COIL: variants seen among roughly 807,000 people sequenced by gnomAD.
COIL encodes coilin p80.
Under a neutral mutation model 51.6 loss-of-function variants are expected in COIL, and 28 were observed. The observed-to-expected ratio is 0.54, with a 90% confidence interval of 0.40 to 0.74. The LOEUF is 0.74. Among genes scored for constraint, COIL ranks in the 30% least tolerant of loss-of-function variants. COIL has a pLI of 0.00. For missense variants in COIL, 667 were observed against 685.9 expected (o/e 0.97, Z 0.31); for synonymous variants, 233 against 255.8 (o/e 0.91, Z 0.85).
At chr17:56,943,040 GAACT>G (rs1181441869) in intron 5 of COIL, among the ~76,000 whole-genome samples, 2 of 152,184 alleles carry the variant, frequency 1.3e-5, no homozygotes, top group Non-Finnish European at 2.9e-5. Context: ...GGAACACTAA[GAACT>G]AACTTTCTTT....
intron 5 of COIL, among the ~76,000 whole-genome samples, chr17:56,945,111 G>C (rs1910221872): frequency 6.6e-6 from 1 of 152,184 alleles, no homozygotes; most frequent in South Asian, 2.1e-4. Flanking sequence ...GGCCAAGGCA[G>C]GTGGATTGCT....
At chr17:56,956,565 C>CATTT (rs1273232256) in intron 1 of COIL, among the ~76,000 whole-genome samples, 1 of 151,910 alleles carries the variant, frequency 6.6e-6, no homozygotes, top group Non-Finnish European at 1.5e-5. Context: ...CCATCTCTAA[C>CATTT]ATTTAATCAA....
At position 56,948,479 on chromosome 17, in the gene COIL, C is replaced by T. The variant is rs373209766; in HGVS notation, c.1488+908G>A. Among the ~76,000 whole-genome samples, 21 of 152,094 alleles carry T rather than the reference C, an allele frequency of 1.4e-4. No homozygotes were observed. The South Asian group carries it at 4.4e-3, about 32-fold the overall frequency. ...TATAAAGATTTTAAGTCTTCCAAGGCATCAATCCAGATTAAATCAAATTCC... is the reference window on the plus strand; with the variant it reads ...TATAAAGATTTTAAGTCTTCCAAGGTATCAATCCAGATTAAATCAAATTCC... On this transcript the variant is annotated intron_variant, in intron 4 of 6. Coordinates refer to ENST00000240316, the MANE Select transcript of COIL (RefSeq NM_004645.3).
intron 3 of COIL, 95 bp from the exon 4 acceptor site, chr17:56,949,529 C>T (rs1409336939): frequency 1.0e-5 from 15 of 1,439,128 alleles, no homozygotes; most frequent in Middle Eastern, 1.7e-4. Context: ...GTGTCCACCC[C>T]GACCAGTCTG....
chr17:56,953,144 G>A (rs1196231374), intron 1 of COIL, among the ~76,000 whole-genome samples: 1 of 152,002 alleles, frequency 6.6e-6, no homozygotes, highest in Non-Finnish European at 1.5e-5. Flanking sequence ...GGGCACGGTG[G>A]CTCACGCCTG....
chr17:56,954,667 A>T lies in COIL; in HGVS notation c.246-3671T>A, dbSNP rs139488080. ...TACTGTTCCCCAAGAGAATAATTTC[A>T]GTTTTTAAAATATTAAGATTATAAA... On this transcript the variant is annotated intron_variant, in intron 1 of 6. Transcript: ENST00000240316. 5.0e-3 allele frequency among the ~76,000 whole-genome samples: 754 copies of T among 152,184 alleles called. 6 individuals carry two copies. Among genetic ancestry groups the T allele is most frequent in the East Asian group, 0.029 (151 of 5,178 alleles).
At chr17:56,944,636 A>C (rs1303599269) in intron 5 of COIL, among the ~76,000 whole-genome samples, 1 of 152,026 alleles carries the variant, frequency 6.6e-6, no homozygotes, top group African/African-American at 2.4e-5. Flanking sequence ...ATATATAAAC[A>C]TTTACTTAAT....
In COIL at chr17:56,960,802, C is replaced by A; in HGVS notation, c.218G>T (p.Arg73Leu). 2 of 1,589,144 alleles carry A rather than the reference C, an allele frequency of 1.3e-6. No individual in the cohort carries two copies. The highest frequency in any genetic ancestry group is 1.7e-6 in the Non-Finnish European group (2 of 1,169,080). ...GAGGCAGTCGTTGTCTCTCACAAGGCGCGCGCTCTCGGCGGGGGGCAAGAG... is the reference window on the plus strand; with the variant it reads ...GAGGCAGTCGTTGTCTCTCACAAGGAGCGCGCTCTCGGCGGGGGGCAAGAG... ...GGLLPPAESA[R>L]LVRDNDCLRV... Residue 73 changes from arginine to leucine, a missense_variant, in exon 1 of 7, where the codon CGC becomes CTC. Transcript: ENST00000240316.
chr17:56,960,800 G>GGC lies in COIL; in HGVS notation c.218_219dup (p.Leu74AlafsTer3). ...CTGAGGCAGTCGTTGTCTCTCACAAGGCGCGCGCTCTCGGCGGGGGGCAAG... is the reference window on the plus strand; with the variant it reads ...CTGAGGCAGTCGTTGTCTCTCACAAGGCGCGCGCGCTCTCGGCGGGGGGCAAG... On this transcript the variant is annotated frameshift_variant, in exon 1 of 7. Coordinates refer to ENST00000240316, the MANE Select transcript of COIL (RefSeq NM_004645.3). LOFTEE classifies it high-confidence loss of function. The GGC allele has an allele frequency of 6.3e-7, 1 of 1,593,256 alleles. No individual in the cohort carries two copies. The highest frequency in any genetic ancestry group is 8.5e-7 in the Non-Finnish European group (1 of 1,170,524).
chr17:56,949,702 A>G lies in COIL; in HGVS notation c.1419T>C (p.Val473=). ...ATACCTTAAATGCAATCTTTTCTCC[A>G]ACTTGAGGGGCAGCTGCTAACAGTG... ...LLPLLAAAPQ[V]GEKIAFKLLE... The change falls in exon 3 of 7, where the codon GTT becomes GTC. Residue 473 remains valine, a synonymous_variant. Transcript: ENST00000240316. 2 of 1,614,036 alleles carry G rather than the reference A, an allele frequency of 1.2e-6. No individual in the cohort carries two copies. The highest frequency in any genetic ancestry group is 1.7e-6 in the Non-Finnish European group (2 of 1,179,920).
chr17:56,938,521 T>C lies in COIL; in HGVS notation c.*550A>G, dbSNP rs1308008831. 2 of 152,286 alleles carry C rather than the reference T, an allele frequency of 1.3e-5. No homozygotes were observed. The highest frequency in any genetic ancestry group is 4.8e-5 in the African/African-American group (2 of 41,428). The allele number at this position is 152,286 out of a possible 1,614,324, so 9.4% of individuals were successfully genotyped here. The stretch of plus-strand genomic sequence containing the variant: ...GACCTGAGAATCCTTAATTTTAAAG[T>C]TGGGAAAAACGTGAAAGGATTCCTT... On this transcript the variant is annotated 3_prime_UTR_variant, in exon 7 of 7. Coordinates refer to ENST00000240316, the MANE Select transcript of COIL (RefSeq NM_004645.3).
chr17:56,951,761 A>C (rs1320917754), intron 1 of COIL: 2 of 152,530 alleles, frequency 1.3e-5, no homozygotes, highest in Non-Finnish European at 2.9e-5. Flanking sequence ...CGAGCTCCAA[A>C]GTAACTGTCC....
intron 5 of COIL, among the ~76,000 whole-genome samples, chr17:56,942,767 C>T (rs906929755): frequency 1.9e-4 from 29 of 152,298 alleles, no homozygotes; most frequent in Middle Eastern, 6.8e-3. Flanking sequence ...CTGCCCGCCT[C>T]GGCCTCCCAA....
chr17:56,949,656 C>T (rs763540507), intron 3 of COIL, 25 bp downstream of exon 3: 5 of 1,591,508 alleles, frequency 3.1e-6, no homozygotes, highest in Non-Finnish European at 8.6e-7. Flanking sequence ...ACCTTTTTTG[C>T]TGTGACTGTT....
At chr17:56,957,411 C>T (rs1432304122) in intron 1 of COIL, among the ~76,000 whole-genome samples, 2 of 151,922 alleles carry the variant, frequency 1.3e-5, no homozygotes, top group East Asian at 3.9e-4. Context: ...CTTGAGGTCA[C>T]AAGTTCGAGA....
At chr17:56,953,588 T>C (rs1174081513) in intron 1 of COIL, among the ~76,000 whole-genome samples, 1 of 152,068 alleles carries the variant, frequency 6.6e-6, no homozygotes, top group African/African-American at 2.4e-5. Context: ...CATTCAGCTA[T>C]ATATTTCATC....
intron 5 of COIL, among the ~76,000 whole-genome samples, chr17:56,943,336 C>T (rs1910183183): frequency 1.3e-5 from 2 of 152,228 alleles, no homozygotes; most frequent in African/African-American, 4.8e-5. Context: ...TTTGCCACAA[C>T]CACTTTCCTC....
Position 56,949,752 on chromosome 17 carries a change from G to A in COIL, c.1369C>T (p.Pro457Ser). Residue 457 changes from proline to serine, a missense_variant, in exon 3 of 7, where the codon CCC becomes TCC. Physicochemically the swap from Pro to Ser is moderately conservative, Grantham distance 74 (BLOSUM62 -1). Coordinates refer to ENST00000240316, the MANE Select transcript of COIL (RefSeq NM_004645.3). ...STIIQNPVETPKKDYSLLPLL... is the reference protein window; with the variant it reads ...STIIQNPVETSKKDYSLLPLL... ...GGTAACAGACTATAGTCCTTCTTGG[G>A]TGTCTCTACTGGATTCTGAAAAACA... is the stretch of plus-strand genomic sequence containing the variant. 1.2e-6 allele frequency: 2 copies of A among 1,614,124 alleles called. No homozygotes were observed. The highest frequency in any genetic ancestry group is 1.7e-6 in the Non-Finnish European group (2 of 1,179,952).
At chr17:56,947,087 C>T (rs1910263124) in intron 4 of COIL, among the ~76,000 whole-genome samples, 2 of 152,116 alleles carry the variant, frequency 1.3e-5, no homozygotes, top group African/African-American at 4.8e-5. Context: ...GATGCACTGC[C>T]CATGCACGTG....
Sources: allele counts gnomAD v4.1 joint callset (sites outside exome capture counted in the v4.1 genomes callset), GRCh38; gene constraint gnomAD v4.1.1; transcripts MANE v1.5; gene names NCBI Gene and HGNC (gene_info 2026-07-23, HGNC 2026-07-21).